TENM2: variants seen among roughly 807,000 people sequenced by gnomAD.
TENM2 encodes the protein teneurin transmembrane protein 2, also known as teneurin-2.
TENM2 carries 52 observed loss-of-function variants against 245.2 expected under a neutral mutation model. That is an observed-to-expected ratio of 0.21 (90% CI 0.17 to 0.27). The LOEUF is 0.27. Ranked by LOEUF, TENM2 falls within the 10% of genes least tolerant of loss-of-function variation. The pLI, the probability that TENM2 is intolerant of heterozygous loss-of-function variation, is 1.00. For synonymous variants in TENM2, 1,363 were observed against 1,438.9 expected (o/e 0.95, Z 1.19); for missense variants, 3,046 against 3,666.8 (o/e 0.83, Z 4.37).
At chr5:168,110,229 G>A (rs1369648667) in intron 9 of TENM2, among the ~76,000 whole-genome samples, 1 of 148,422 alleles carries the variant, frequency 6.7e-6, no homozygotes, top group Non-Finnish European at 1.5e-5. Flanking sequence ...CAGCTGGGAT[G>A]GGGGACAGGG....
chr5:167,791,518 AAT>A lies in TENM2; in HGVS notation c.503-84460_503-84459del, dbSNP rs1005328770. Among the ~76,000 whole-genome samples the A allele has an allele frequency of 6.0e-5, 3 of 50,050 alleles. No individual in the cohort carries two copies. The Admixed American group carries it at 8.3e-4, about 14-fold the overall frequency. 32.8% of individuals were successfully genotyped at this position (50,050 alleles called of 152,430 possible). The stretch of plus-strand genomic sequence containing the variant: ...ATATTTTTATATATTATAATATATA[AAT>A]ATATATAATGTATATTTTTATATAT... On this transcript the variant is annotated intron_variant, in intron 2 of 28. Coordinates refer to ENST00000518659, the Ensembl canonical transcript of TENM2.
At chr5:168,196,172 C>T (rs760814257) in intron 15 of TENM2, among the ~76,000 whole-genome samples, 1 of 152,142 alleles carries the variant, frequency 6.6e-6, no homozygotes, top group Non-Finnish European at 1.5e-5. Context: ...TTTTACCTTT[C>T]TCTGGCGAAG....
intron 25 of TENM2, among the ~76,000 whole-genome samples, chr5:168,239,960 G>A (rs1262422685): frequency 6.6e-6 from 1 of 152,144 alleles, no homozygotes; most frequent in Non-Finnish European, 1.5e-5. Context: ...GCTCATGTCT[G>A]TAATACCAGC....
intron 5 of TENM2, among the ~76,000 whole-genome samples, chr5:168,044,332 C>T (rs1335114986): frequency 6.6e-6 from 1 of 152,114 alleles, no homozygotes; most frequent in Admixed American, 6.5e-5. Context: ...AGAGAATGGC[C>T]TGAACCCAGG....
At chr5:167,108,099 C>T in the TENM2 span, among the ~76,000 whole-genome samples, 4 of 152,136 alleles carry the variant, frequency 2.6e-5, no homozygotes, top group Non-Finnish European at 4.4e-5. Context: ...CACATTATTT[C>T]TCTCTTACTT....
intron 9 of TENM2, among the ~76,000 whole-genome samples, chr5:168,100,946 A>G (rs947041606): frequency 1.3e-5 from 2 of 150,614 alleles, no homozygotes; most frequent in Non-Finnish European, 3.0e-5. Context: ...AAAAAAGACA[A>G]GATGCTGCCC....
chr5:167,538,443 G>A (rs1350378923), intron 2 of TENM2, among the ~76,000 whole-genome samples: 1 of 152,166 alleles, frequency 6.6e-6, no homozygotes, highest in East Asian at 1.9e-4. Flanking sequence ...TCTTGATTGG[G>A]TATGATTCCC....
intron 2 of TENM2, among the ~76,000 whole-genome samples, chr5:167,766,633 T>C (rs1033147452): frequency 3.3e-5 from 5 of 152,042 alleles, no homozygotes; most frequent in Admixed American, 3.3e-4. Flanking sequence ...TCCCAGCACT[T>C]TGGGAGGCTG....
At chr5:167,552,143 C>A (rs1772987721) in intron 2 of TENM2, among the ~76,000 whole-genome samples, 1 of 152,176 alleles carries the variant, frequency 6.6e-6, no homozygotes, top group Non-Finnish European at 1.5e-5. Flanking sequence ...AAAGCTATCA[C>A]AAATGAATGA....
At chr5:167,322,579 C>T (rs1034022676) in intron 1 of TENM2, among the ~76,000 whole-genome samples, 1 of 152,162 alleles carries the variant, frequency 6.6e-6, no homozygotes, top group African/African-American at 2.4e-5. Flanking sequence ...TGCTCAAGAA[C>T]TCTTAATTAC....
In TENM2 at chr5:167,552,290, T is replaced by C. The variant is rs555566684; in HGVS notation, c.502+176817T>C. 2.8e-4 allele frequency among the ~76,000 whole-genome samples: 42 copies of C among 152,304 alleles called. 1 individual carries two copies. The South Asian group carries it at 8.7e-3, about 32-fold the overall frequency. On this transcript the variant is annotated intron_variant, in intron 2 of 28. Coordinates refer to ENST00000518659, the Ensembl canonical transcript of TENM2. ...CAGGTGCACGTTAGGCAGAGTCAAG[T>C]GGGTGCTGTAGTCCTTTTTCAGTAC... is the stretch of plus-strand genomic sequence containing the variant.
intron 2 of TENM2, among the ~76,000 whole-genome samples, chr5:167,872,009 C>T (rs1772867795): frequency 6.6e-6 from 1 of 151,846 alleles, no homozygotes; most frequent in Non-Finnish European, 1.5e-5. Flanking sequence ...AAACAGCATA[C>T]CAGGGCTGGC....
At chr5:167,157,531 T>G in the TENM2 span, among the ~76,000 whole-genome samples, 6 of 152,226 alleles carry the variant, frequency 3.9e-5, no homozygotes, top group Non-Finnish European at 8.8e-5. Context: ...AAGGTCTCTT[T>G]TAGTCAGTAA....
intron 2 of TENM2, among the ~76,000 whole-genome samples, chr5:167,544,792 C>T (rs77863025): frequency 0.047 from 7,097 of 152,110 alleles, 577 homozygotes; most frequent in African/African-American, 0.16. Flanking sequence ...AGGAGAGATA[C>T]ACAATTTTAA....
At chr5:168,191,905 C>T (rs1191450666) in intron 14 of TENM2, among the ~76,000 whole-genome samples, 3 of 152,094 alleles carry the variant, frequency 2.0e-5, no homozygotes, top group Non-Finnish European at 4.4e-5. Context: ...TGGAGAGCCC[C>T]AATTCCTGCA....
the TENM2 span, among the ~76,000 whole-genome samples, chr5:166,997,285 A>T: frequency 6.6e-6 from 1 of 152,354 alleles, no homozygotes; most frequent in Non-Finnish European, 1.5e-5. Context: ...TTGATTAAAT[A>T]TTCTAAGCAC....
chr5:167,003,884 TTTTA>T, the TENM2 span, among the ~76,000 whole-genome samples: 2 of 152,114 alleles, frequency 1.3e-5, no homozygotes, highest in Non-Finnish European at 2.9e-5. Flanking sequence ...CTAATGAGCG[TTTTA>T]GCTTCTTACT....
chr5:168,158,807 A>ATGTG lies in TENM2; in HGVS notation c.2423-3784_2423-3781dup, dbSNP rs371329253. The stretch of plus-strand genomic sequence containing the variant: ...AAACTCCATCTCTACTAAAAAAAAA[A>ATGTG]TGTGTGTGTGTGTGTGTGTGTGTAT... On this transcript the variant is annotated intron_variant, in intron 12 of 28. Transcript: ENST00000518659. Among the ~76,000 whole-genome samples the ATGTG allele has an allele frequency of 8.0e-3, 644 of 80,440 alleles. 14 individuals carry two copies. The highest frequency in any genetic ancestry group is 0.037 in the African/African-American group (606 of 16,236). 52.8% of individuals were successfully genotyped at this position (80,440 alleles called of 152,430 possible).
At chr5:167,142,685 G>C in the TENM2 span, among the ~76,000 whole-genome samples, 1 of 152,030 alleles carries the variant, frequency 6.6e-6, no homozygotes, top group Non-Finnish European at 1.5e-5. Flanking sequence ...GGAGTAGCTG[G>C]GATTACAGGC....
Sources: gnomAD v4.1 joint callset for allele counts (sites outside exome capture counted in the v4.1 genomes callset) on GRCh38, gnomAD v4.1.1 for gene constraint, MANE v1.5 for transcripts, NCBI Gene and HGNC (gene_info 2026-07-23, HGNC 2026-07-21) for gene names.